The following SH3TC2 variants were observed in gnomAD, a reference collection of about 807,000 sequenced individuals.
The protein encoded by SH3TC2 is SH3 domain and tetratricopeptide repeat-containing protein 2.
SH3TC2 carries 87 observed loss-of-function variants against 124.5 expected under a neutral mutation model. That is an observed-to-expected ratio of 0.70 (90% confidence interval 0.59 to 0.84). The LOEUF (loss-of-function observed/expected upper bound fraction) is 0.84. Among genes scored for constraint, SH3TC2 ranks in the 40% least tolerant of loss-of-function variants. SH3TC2 has a pLI of 0.00. For missense variants in SH3TC2, 1,536 were observed against 1,566.4 expected, an observed-to-expected ratio of 0.98 and a Z score of 0.33; for synonymous variants, 634 against 628.5, an observed-to-expected ratio of 1.01 and a Z score of -0.13.
At chr5:149,050,665 T>C (rs1754540383) in intron 2 of SH3TC2, among the ~76,000 whole-genome samples, 1 of 152,202 alleles carries the variant, frequency 6.6e-6, no homozygotes, top group Admixed American at 6.5e-5. Context: ...TTTTTCTCAT[T>C]GTCAACCAAG....
At chr5:149,039,749 C>G (rs1202798108) in intron 7 of SH3TC2, among the ~76,000 whole-genome samples, 1 of 152,184 alleles carries the variant, frequency 6.6e-6, no homozygotes, top group Non-Finnish European at 1.5e-5. Flanking sequence ...GGTTTTAAGT[C>G]AAGGAGCCAG....
chr5:149,014,646 G>GGCCA (rs1452245775), intron 12 of SH3TC2, among the ~76,000 whole-genome samples: 1 of 152,094 alleles, frequency 6.6e-6, no homozygotes, highest in Non-Finnish European at 1.5e-5. Context: ...AATGGGCGCT[G>GGCCA]GCCACTCTTT....
intron 12 of SH3TC2, among the ~76,000 whole-genome samples, chr5:149,013,215 C>A (rs58971544): frequency 0.012 from 1,763 of 152,158 alleles, 34 homozygotes; most frequent in African/African-American, 0.04. Flanking sequence ...CCCCATATGT[C>A]GTGGGAGGGA....
intron 12 of SH3TC2, among the ~76,000 whole-genome samples, chr5:149,018,738 T>C (rs1270819752): frequency 6.6e-6 from 1 of 152,212 alleles, no homozygotes; most frequent in Non-Finnish European, 1.5e-5. Context: ...CACCAAAACC[T>C]GTCTGTTAAA....
chr5:148,996,362 A>G lies in SH3TC2; in HGVS notation c.*8349T>C, dbSNP rs565407418. 1.8e-4 allele frequency among the ~76,000 whole-genome samples: 28 copies of G among 152,306 alleles called. No homozygotes were observed. The South Asian group carries it at 5.8e-3, about 32-fold the overall frequency. ...ACAGGACTTGGAAGAGGATCAGAAT[A>G]TCAGTTTATATAAGCTCTTAGGACT... On this transcript the variant is annotated 3_prime_UTR_variant, in exon 17 of 17. Transcript: ENST00000515425.
At chr5:149,053,614 C>T (rs1754592841) in intron 1 of SH3TC2, among the ~76,000 whole-genome samples, 1 of 152,226 alleles carries the variant, frequency 6.6e-6, no homozygotes, top group South Asian at 2.1e-4. Flanking sequence ...AAGGCACTGG[C>T]TTGGGAATAA....
chr5:149,012,801 G>C, intron 12 of SH3TC2, 67 bp from the exon 13 acceptor site: 1 of 1,568,542 alleles, frequency 6.4e-7, no homozygotes, highest in Non-Finnish European at 8.7e-7. Context: ...CTCAGCACAG[G>C]ATGAAACAGA....
chr5:149,047,556 T>C (rs1288489398), intron 3 of SH3TC2: 4 of 359,600 alleles, frequency 1.1e-5, no homozygotes, highest in East Asian at 6.5e-5. Context: ...CTTAATGAGG[T>C]AGGTATTATA....
intron 1 of SH3TC2, among the ~76,000 whole-genome samples, chr5:149,056,541 C>T (rs1162214636): frequency 6.6e-6 from 1 of 152,150 alleles, no homozygotes; most frequent in African/African-American, 2.4e-5. Flanking sequence ...GAGCCCCTCT[C>T]TACTTACTCT....
intron 1 of SH3TC2, among the ~76,000 whole-genome samples, chr5:149,054,332 T>C (rs1050414725): frequency 6.6e-6 from 1 of 152,190 alleles, no homozygotes; most frequent in African/African-American, 2.4e-5. Context: ...TTGAGAACCA[T>C]ATGTCTAGAT....
In SH3TC2 at chr5:148,989,868, G is replaced by C. The variant is rs1049573783; in HGVS notation, c.*14843C>G. Among the ~76,000 whole-genome samples the C allele has an allele frequency of 2.0e-5, 3 of 152,098 alleles. No individual in the cohort carries two copies. Among genetic ancestry groups the C allele is most frequent in the African/African-American group, 7.2e-5 (3 of 41,412 alleles). ...CAGGACATTTGGGAAATGTCCCTAT[G>C]AATCAATCCACCTGCACTGGGGAAA... On this transcript the variant is annotated 3_prime_UTR_variant, in exon 17 of 17. Coordinates refer to ENST00000515425, the MANE Select transcript of SH3TC2 (RefSeq NM_024577.4).
chr5:149,038,527 A>C lies in SH3TC2; in HGVS notation c.806-37T>G. The C allele has an allele frequency of 1.9e-6, 3 of 1,601,896 alleles. No individual in the cohort carries two copies. The South Asian group carries it at 3.3e-5, about 18-fold the overall frequency. ...AGCACACAGATCAGCTACAGAAGAC[A>C]TGAACAGCTGAGCCTCCCATCACCT... On this transcript the variant is annotated intron_variant, in intron 7 of 16. Transcript: ENST00000515425.
rs1020205425 is a variant in SH3TC2, at chr5:148,999,933, C to T, written c.*4778G>A. ...AGTGACCTGTTCTCAGAAAACATCA[C>T]CCCCTGTCCACCCTCTGGACCTTTG... On this transcript the variant is annotated 3_prime_UTR_variant, in exon 17 of 17. Transcript: ENST00000515425. Among the ~76,000 whole-genome samples, 1 of 152,124 alleles carries T rather than the reference C, an allele frequency of 6.6e-6. No individual in the cohort carries two copies. The highest frequency in any genetic ancestry group is 1.9e-4 in the East Asian group (1 of 5,190).
chr5:148,982,538 G>A lies in SH3TC2; in HGVS notation c.*22173C>T, dbSNP rs1260051849. ...CTAAATAAACTGTTATTCCCATCAT[G>A]CAAGGAGATACTTTACAGCTGTAAA... On this transcript the variant is annotated 3_prime_UTR_variant, in exon 17 of 17. Transcript: ENST00000515425. Among the ~76,000 whole-genome samples, 1 of 152,184 alleles carries A rather than the reference G, an allele frequency of 6.6e-6. No homozygotes were observed. Among genetic ancestry groups the A allele is most frequent in the Non-Finnish European group, 1.5e-5 (1 of 68,030 alleles).
At position 149,052,176 on chromosome 5, in the gene SH3TC2, C is replaced by T. The variant is rs767025222; in HGVS notation, c.117G>A (p.Lys39=). The T allele has an allele frequency of 6.2e-7, 1 of 1,613,590 alleles. No individual in the cohort carries two copies. Among genetic ancestry groups the T allele is most frequent in the Admixed American group, 1.7e-5 (1 of 60,020 alleles). The part of the protein sequence containing the change: ...SSECIASSEY[K]EKCFLPQNIN... Reference sequence around the variant, plus strand: ...TGTTCTGTGGCAGAAAACATTTTTCCTTGTATTCAGATGAGGCTATACACT... The same window carrying T: ...TGTTCTGTGGCAGAAAACATTTTTCTTTGTATTCAGATGAGGCTATACACT... The change falls in exon 2 of 17, where the codon AAG becomes AAA. Residue 39 remains lysine (K), a synonymous_variant. Coordinates refer to ENST00000515425, the MANE Select transcript of SH3TC2 (RefSeq NM_024577.4).
chr5:149,042,751 C>A lies in SH3TC2; in HGVS notation c.472G>T (p.Val158Leu), dbSNP rs764153328. The A allele has an allele frequency of 6.2e-7, 1 of 1,614,166 alleles. No individual in the cohort carries two copies. The highest frequency in any genetic ancestry group is 8.5e-7 in the Non-Finnish European group (1 of 1,180,018). ...TCCAGGTGTTTATCATCTACAGACA[C>A]TTGGATCTCTGTATCCTCCACCAAT... Reference protein sequence around the residue: ...CILVEDTEIQVSVDDKHLETI... With the variant: ...CILVEDTEIQLSVDDKHLETI... The change falls in exon 5 of 17, where the codon GTG (valine) becomes TTG (leucine). Residue 158 changes from valine to leucine, a missense_variant. This residue lies in a region of SH3TC2 where 1,102 missense variants were observed against 1,098.6 expected (regional missense o/e 1.00). Coordinates refer to ENST00000515425, the MANE Select transcript of SH3TC2 (RefSeq NM_024577.4).
chr5:149,038,609 C>T (rs1449509849), intron 7 of SH3TC2, 119 bp from the exon 8 acceptor site: 15 of 1,078,630 alleles, frequency 1.4e-5, no homozygotes, highest in African/African-American at 3.1e-5. Context: ...GGACCAGTAA[C>T]ATTTCACTCC....
chr5:149,014,129 T>C (rs184435760), intron 12 of SH3TC2, among the ~76,000 whole-genome samples: 1 of 152,180 alleles, frequency 6.6e-6, no homozygotes, highest in Non-Finnish European at 1.5e-5. Flanking sequence ...ACCTAGGACT[T>C]GTCCCATAAC....
chr5:149,031,035 A>G (rs888955222), intron 9 of SH3TC2, among the ~76,000 whole-genome samples: 1 of 152,200 alleles, frequency 6.6e-6, no homozygotes, highest in South Asian at 2.1e-4. Context: ...CACACCCAAC[A>G]ACTCAAAGTC....
Sources: allele counts gnomAD v4.1 joint callset (sites outside exome capture counted in the v4.1 genomes callset), GRCh38; gene constraint gnomAD v4.1.1; regional missense constraint gnomAD v4.1.1; transcripts MANE v1.5; gene names NCBI Gene and HGNC (gene_info 2026-07-23, HGNC 2026-07-21).